NUDCD3: variants seen among roughly 807,000 people sequenced by gnomAD.
The protein encoded by NUDCD3 is nudC domain-containing protein 3.
A neutral mutation model predicts 39.7 loss-of-function variants in NUDCD3; 13 were observed. That is an observed-to-expected ratio of 0.33 (90% CI 0.21 to 0.52). The LOEUF (loss-of-function observed/expected upper bound fraction) is 0.52, where lower values mean the gene tolerates loss of function less well. Ranked by LOEUF, NUDCD3 falls within the 20% of genes least tolerant of loss-of-function variation. NUDCD3 has a pLI of 0.96. For missense variants in NUDCD3, 453 were observed against 458.1 expected, an observed-to-expected ratio of 0.99 and a Z score of 0.10; for synonymous variants, 175 against 172.4, an observed-to-expected ratio of 1.02 and a Z score of -0.12.
chr7:44,431,266 G>T (rs1799357256), intron 2 of NUDCD3, among the ~76,000 whole-genome samples: 2 of 152,190 alleles, frequency 1.3e-5, no homozygotes, highest in Non-Finnish European at 2.9e-5. Flanking sequence ...GTAGGAAAGT[G>T]AGTCAGCAGT....
chr7:44,431,610 C>A (rs926714190), intron 2 of NUDCD3, among the ~76,000 whole-genome samples: 2 of 151,742 alleles, frequency 1.3e-5, no homozygotes, highest in African/African-American at 4.8e-5. Context: ...GGAAACTGAC[C>A]TACCCAATCT....
intron 3 of NUDCD3, among the ~76,000 whole-genome samples, chr7:44,419,343 T>C (rs1391148969): frequency 1.3e-5 from 2 of 152,102 alleles, no homozygotes; most frequent in African/African-American, 4.8e-5. Flanking sequence ...CAGGGGCTTA[T>C]AGATAAAACT....
At chr7:44,437,993 T>G (rs965696647) in intron 2 of NUDCD3, among the ~76,000 whole-genome samples, 6 of 152,222 alleles carry the variant, frequency 3.9e-5, no homozygotes, top group African/African-American at 1.4e-4. Context: ...TTTTTAGCAG[T>G]ATTTAAGTGT....
At chr7:44,463,114 G>A (rs1800049655) in intron 2 of NUDCD3, among the ~76,000 whole-genome samples, 1 of 152,184 alleles carries the variant, frequency 6.6e-6, no homozygotes, top group African/African-American at 2.4e-5. Flanking sequence ...CAGCCTGGGT[G>A]TGTCTTGACC....
Position 44,445,436 on chromosome 7 carries a change from G to A in NUDCD3, c.510-17733C>T, listed in dbSNP as rs114879992. ...TTCACTCCCTTCCCCTAGGAACACA[G>A]GAATATCAGCATCCCTTTAATGGTA... is the stretch of plus-strand genomic sequence containing the variant. On this transcript the variant is annotated intron_variant, in intron 2 of 5. Transcript: ENST00000355451. Among the ~76,000 whole-genome samples, 638 of 152,302 alleles carry A rather than the reference G, an allele frequency of 4.2e-3. 4 individuals carry two copies. The highest frequency in any genetic ancestry group is 0.015 in the African/African-American group (605 of 41,552).
intron 2 of NUDCD3, among the ~76,000 whole-genome samples, chr7:44,432,889 G>A (rs1799391008): frequency 6.6e-6 from 1 of 152,162 alleles, no homozygotes; most frequent in South Asian, 2.1e-4. Context: ...TGGGTGCAAT[G>A]TACATATATG....
chr7:44,443,468 T>A (rs1473066560), intron 2 of NUDCD3, among the ~76,000 whole-genome samples: 1 of 152,184 alleles, frequency 6.6e-6, no homozygotes, highest in Non-Finnish European at 1.5e-5. Flanking sequence ...TGGAGTGCAG[T>A]GGCGCCATCT....
chr7:44,392,545 G>A, intron 4 of NUDCD3, 60 bp from the exon 5 acceptor site: 2 of 1,494,934 alleles, frequency 1.3e-6, no homozygotes, highest in Non-Finnish European at 1.8e-6. Context: ...CCAGGGCTGG[G>A]GACAGAGCAG....
intron 2 of NUDCD3, among the ~76,000 whole-genome samples, chr7:44,432,247 A>G (rs1585074896): frequency 6.6e-6 from 1 of 152,162 alleles, no homozygotes; most frequent in Non-Finnish European, 1.5e-5. Flanking sequence ...GTACCACTGC[A>G]CTCCAGCCTA....
At chr7:44,393,527 G>A (rs1419374667) in intron 4 of NUDCD3, among the ~76,000 whole-genome samples, 1 of 152,144 alleles carries the variant, frequency 6.6e-6, no homozygotes, top group Non-Finnish European at 1.5e-5. Context: ...GTCAGTGGCT[G>A]GGCTCAAAAT....
chr7:44,440,951 A>G (rs11772013), intron 2 of NUDCD3, among the ~76,000 whole-genome samples: 20,576 of 152,136 alleles, frequency 0.14, 1,719 homozygotes, highest in Non-Finnish European at 0.19. Context: ...AAGGTTTAGC[A>G]CCCATTTTCA....
In NUDCD3 at chr7:44,488,988, C is replaced by CAGTATA. The variant is rs1256144903; in HGVS notation, c.192+1420_192+1421insTATACT. ...ATTACTCAGTATATACTCCTTTCTC[C>CAGTATA]TCCACATCTTTCTGCAAACTACAAT... On this transcript the variant is annotated intron_variant, in intron 1 of 5. Transcript: ENST00000355451. Among the ~76,000 whole-genome samples, 137 of 152,306 alleles carry CAGTATA rather than the reference C, an allele frequency of 9.0e-4. 1 individual carries two copies. The highest frequency in any genetic ancestry group is 3.1e-3 in the African/African-American group (127 of 41,564).
At chr7:44,473,032 A>G (rs777816934) in intron 2 of NUDCD3, among the ~76,000 whole-genome samples, 25 of 152,234 alleles carry the variant, frequency 1.6e-4, no homozygotes, top group Non-Finnish European at 2.9e-4. Flanking sequence ...TCACTGCAAC[A>G]TCATTTGTGA....
At chr7:44,407,985 G>A (rs1798860061) in intron 3 of NUDCD3, among the ~76,000 whole-genome samples, 1 of 151,934 alleles carries the variant, frequency 6.6e-6, no homozygotes, top group Non-Finnish European at 1.5e-5. Flanking sequence ...GAGCTAAGCA[G>A]AATGAATGAA....
chr7:44,474,057 G>A (rs926535050), intron 2 of NUDCD3, among the ~76,000 whole-genome samples: 2 of 152,106 alleles, frequency 1.3e-5, no homozygotes, highest in Non-Finnish European at 2.9e-5. Flanking sequence ...AGGGAGAAAA[G>A]CAGGCTGCTG....
At chr7:44,459,210 T>A (rs983206562) in intron 2 of NUDCD3, among the ~76,000 whole-genome samples, 1 of 151,764 alleles carries the variant, frequency 6.6e-6, no homozygotes, top group Non-Finnish European at 1.5e-5. Flanking sequence ...TTTCTTTTTT[T>A]TTTTTTTGAG....
chr7:44,489,651 T>C (rs1800690776), intron 1 of NUDCD3, among the ~76,000 whole-genome samples: 1 of 152,214 alleles, frequency 6.6e-6, no homozygotes. Flanking sequence ...CTATTTCCTT[T>C]CTTTACAATG....
chr7:44,406,804 T>C (rs1474159955), intron 3 of NUDCD3, among the ~76,000 whole-genome samples: 2 of 152,102 alleles, frequency 1.3e-5, no homozygotes, highest in African/African-American at 2.4e-5. Context: ...CAGGAACAGA[T>C]GAGATGTCAA....
intron 3 of NUDCD3, among the ~76,000 whole-genome samples, chr7:44,416,924 G>A (rs756843891): frequency 3.5e-4 from 54 of 152,140 alleles, no homozygotes; most frequent in Non-Finnish European, 2.8e-4. Context: ...CTGCATGATA[G>A]GAGGACTGGG....
Sources: gnomAD v4.1 joint callset for allele counts (sites outside exome capture counted in the v4.1 genomes callset) on GRCh38, gnomAD v4.1.1 for gene constraint, MANE v1.5 for transcripts, NCBI Gene and HGNC (gene_info 2026-07-23, HGNC 2026-07-21) for gene names.